The following TOR1B variants were observed in gnomAD, a reference collection of about 807,000 sequenced individuals.
TOR1B encodes torsin-1B.
Under a neutral mutation model 29.2 loss-of-function variants are expected in TOR1B, and 14 were observed. That is an observed-to-expected ratio of 0.48 (90% CI 0.32 to 0.75). TOR1B has a LOEUF of 0.75. Ranked by LOEUF, TOR1B falls within the 30% of genes least tolerant of loss-of-function variation. The pLI, the probability that TOR1B is intolerant of heterozygous loss-of-function variation, is 0.04. For missense variants in TOR1B, 400 were observed against 433.9 expected (o/e 0.92, Z 0.69); for synonymous variants, 166 against 179.8 (o/e 0.92, Z 0.62).
chr9:129,809,623 C>T lies in TOR1B; in HGVS notation c.*40C>T, dbSNP rs199892031. 1.6e-3 allele frequency: 2,578 copies of T among 1,611,262 alleles called. 2 individuals carry two copies. Among genetic ancestry groups the T allele is most frequent in the Non-Finnish European group, 2.0e-3 (2,333 of 1,178,002 alleles). On this transcript the variant is annotated 3_prime_UTR_variant, in exon 5 of 5. Transcript: ENST00000259339. Reference sequence around the variant, plus strand: ...GGGGTAGGAGACAGCTGGGAGGCTCCGCACGCCAGAGGCCTTGCCTTTCAG... The same window carrying T: ...GGGGTAGGAGACAGCTGGGAGGCTCTGCACGCCAGAGGCCTTGCCTTTCAG...
chr9:129,808,816 T>A, intron 3 of TOR1B, 89 bp from the exon 4 acceptor site: 1 of 1,540,172 alleles, frequency 6.5e-7, no homozygotes, highest in Non-Finnish European at 8.9e-7. Context: ...CCTCCCAAAG[T>A]GCTGGGATTA....
In TOR1B at chr9:129,804,227, C is replaced by T; in HGVS notation, c.354C>T (p.Val118=). The T allele has an allele frequency of 6.2e-7, 1 of 1,614,214 alleles. No homozygotes were observed. Among genetic ancestry groups the T allele is most frequent in the Non-Finnish European group, 8.5e-7 (1 of 1,180,034 alleles). The change falls in exon 2 of 5, where the codon GTC becomes GTT. Residue 118 remains valine, a synonymous_variant. Transcript: ENST00000259339. ...HGWAGTGKNF[V]SQIVAENLHP... Reference sequence around the variant, plus strand: ...GGGCTGGCACAGGCAAGAATTTTGTCAGTCAAATTGTGGCTGAAAATCTTC... The same window carrying T: ...GGGCTGGCACAGGCAAGAATTTTGTTAGTCAAATTGTGGCTGAAAATCTTC...
chr9:129,807,977 T>C, intron 3 of TOR1B, among the ~76,000 whole-genome samples: 1 of 151,850 alleles, frequency 6.6e-6, no homozygotes, highest in Non-Finnish European at 1.5e-5. Flanking sequence ...TTCAAGGTTT[T>C]ATTGAGCTAT....
At position 129,809,927 on chromosome 9, in the gene TOR1B, A is replaced by G; in HGVS notation, c.*344A>G. 2 of 1,199,774 alleles carry G rather than the reference A, an allele frequency of 1.7e-6. No homozygotes were observed. The highest frequency in any genetic ancestry group is 3.3e-5 in the South Asian group (2 of 59,884). 74.3% of individuals were successfully genotyped at this position (1,199,774 alleles called of 1,614,324 possible). A position where few individuals can be genotyped will look rare whatever the true frequency, so the allele number is the denominator to read the frequency against. ...CGTGAATCTATTGCGCGCATTTGTC[A>G]TTTAGCAAGATGGCAGCAGTCCAGC... On this transcript the variant is annotated 3_prime_UTR_variant, in exon 5 of 5. Transcript: ENST00000259339.
chr9:129,804,121 CG>C lies in TOR1B; in HGVS notation c.250del (p.Glu84LysfsTer2), dbSNP rs763162648. On this transcript the variant is annotated frameshift_variant, in exon 2 of 5. Coordinates refer to ENST00000259339, the MANE Select transcript of TOR1B (RefSeq NM_014506.3). LOFTEE classifies it high-confidence loss of function. The stretch of plus-strand genomic sequence containing the variant: ...AAGCTGTTTGGACAGCATCTAGCCA[CG>C]GAAGTGATTTTCAAGGCGCTGACTG... ...EEKLFGQHLATEVIFKALTGF... is the reference protein window; with the variant it reads ...EEKLFGQHLAXEVIFKALTGF... 1.9e-6 allele frequency: 3 copies of C among 1,614,176 alleles called. No homozygotes were observed. Among genetic ancestry groups the C allele is most frequent in the Non-Finnish European group, 2.5e-6 (3 of 1,180,036 alleles).
At chr9:129,808,798 TGCCTCG>T (rs947447896) in intron 3 of TOR1B, 101 bp from the exon 4 acceptor site, 440 of 1,408,836 alleles carry the variant, frequency 3.1e-4, no homozygotes, top group Non-Finnish European at 4.1e-4. Context: ...GTGATCTACC[TGCCTCG>T]GCCTCCCAAA....
rs2030786741 is a variant in TOR1B, at chr9:129,810,352, G to GGGA, written c.*771_*772insAGG. ...GAGCTGACCTGTGTGTGTGTGTGTG[G>GGGA]GGGGGTGGGGCCTTCACCTAAGACC... is the stretch of plus-strand genomic sequence containing the variant. On this transcript the variant is annotated 3_prime_UTR_variant, in exon 5 of 5. Transcript: ENST00000259339. 1 of 1,100,416 alleles carries GGGA rather than the reference G, an allele frequency of 9.1e-7. No homozygotes were observed. The highest frequency in any genetic ancestry group is 1.7e-5 in the African/African-American group (1 of 59,306). The allele number at this position is 1,100,416 out of a possible 1,614,324, so 68.2% of individuals were successfully genotyped here.
chr9:129,806,926 C>T (rs1222584201), intron 2 of TOR1B, among the ~76,000 whole-genome samples: 1 of 152,168 alleles, frequency 6.6e-6, no homozygotes, highest in African/African-American at 2.4e-5. Flanking sequence ...GATCTTGTAC[C>T]TCTTATACCT....
intron 1 of TOR1B, 110 bp from the exon 2 acceptor site, chr9:129,803,963 T>C: frequency 6.9e-7 from 1 of 1,444,884 alleles, no homozygotes; most frequent in African/African-American, 1.4e-5. Flanking sequence ...GACACCCTGC[T>C]GTGTCCCTGG....
At chr9:129,807,111 G>A in intron 2 of TOR1B, 77 bp from the exon 3 acceptor site, 1 of 1,450,782 alleles carries the variant, frequency 6.9e-7, no homozygotes. Flanking sequence ...AGTGCATGAG[G>A]AGCAGATGGA....
At position 129,804,350 on chromosome 9, in the gene TOR1B, C is replaced by G. The variant is rs776467901; in HGVS notation, c.465+12C>G. The stretch of plus-strand genomic sequence containing the variant: ...TAAAACTGTACCAGGCAAGAGAACC[C>G]GCTATTATCTCGTCTGCAGGCCAGT... On this transcript the variant is annotated intron_variant, in intron 2 of 4. Transcript: ENST00000259339. The G allele has an allele frequency of 1.2e-6, 2 of 1,607,196 alleles. No homozygotes were observed. Among genetic ancestry groups the G allele is most frequent in the Non-Finnish European group, 1.7e-6 (2 of 1,174,122 alleles).
chr9:129,809,223 G>A, intron 4 of TOR1B, 119 bp from the exon 5 acceptor site: 4 of 1,548,356 alleles, frequency 2.6e-6, no homozygotes, highest in Non-Finnish European at 3.5e-6. Flanking sequence ...TGGGCTTGTT[G>A]CACACTGACA....
chr9:129,809,346 C>T lies in TOR1B; in HGVS notation c.774C>T (p.Gly258=). 1.2e-6 allele frequency: 2 copies of T among 1,614,114 alleles called. No individual in the cohort carries two copies. The highest frequency in any genetic ancestry group is 2.2e-5 in the South Asian group (2 of 91,066). Reference sequence around the variant, plus strand: ...CAGCTGTGTCTTGTTCTGCAGGTGGCCTGTGGCACAGTGGACTGATCGACA... The same window carrying T: ...CAGCTGTGTCTTGTTCTGCAGGTGGTCTGTGGCACAGTGGACTGATCGACA... ...SVGVFNNKHS[G]LWHSGLIDKN... is the part of the protein sequence containing the mutation. The change falls in exon 5 of 5, where the codon GGC becomes GGT. Residue 258 remains glycine, a synonymous_variant. Transcript: ENST00000259339.
Position 129,804,249 on chromosome 9 carries a change from C to T in TOR1B, c.376C>T (p.Leu126Phe). The change falls in exon 2 of 5, where the codon CTT becomes TTT. Residue 126 changes from leucine to phenylalanine, a missense_variant. Transcript: ENST00000259339. ...TGTCAGTCAAATTGTGGCTGAAAAT[C>T]TTCACCCAAAAGGTCTGAAGAGTAA... is the stretch of plus-strand genomic sequence containing the variant. Reference protein sequence around the residue: ...NFVSQIVAENLHPKGLKSNFV... With the variant: ...NFVSQIVAENFHPKGLKSNFV... 6.2e-7 allele frequency: 1 copy of T among 1,614,236 alleles called. No individual in the cohort carries two copies. The highest frequency in any genetic ancestry group is 1.3e-5 in the African/African-American group (1 of 75,068).
Position 129,810,500 on chromosome 9 carries a change from A to G in TOR1B, c.*917A>G, listed in dbSNP as rs1298540914. On this transcript the variant is annotated 3_prime_UTR_variant, in exon 5 of 5. Coordinates refer to ENST00000259339, the MANE Select transcript of TOR1B (RefSeq NM_014506.3). ...TATCAGCCCCAGCCTGCCTTGTGCCATATCTCAGCTTGGATCTCTGCTAGA... is the reference window on the plus strand; with the variant it reads ...TATCAGCCCCAGCCTGCCTTGTGCCGTATCTCAGCTTGGATCTCTGCTAGA... 3 of 1,066,076 alleles carry G rather than the reference A, an allele frequency of 2.8e-6. No individual in the cohort carries two copies. The highest frequency in any genetic ancestry group is 1.7e-5 in the African/African-American group (1 of 60,360). 66.0% of individuals were successfully genotyped at this position (1,066,076 alleles called of 1,614,324 possible). A position where few individuals can be genotyped will look rare whatever the true frequency, so the allele number is the denominator to read the frequency against.
chr9:129,809,191 G>A (rs754591298), intron 4 of TOR1B, 151 bp from the exon 5 acceptor site: 4 of 1,511,128 alleles, frequency 2.6e-6, no homozygotes, highest in Non-Finnish European at 3.5e-6. Flanking sequence ...ACCAGTGAGT[G>A]AGTGTCCAGC....
At position 129,807,485 on chromosome 9, in the gene TOR1B, C is replaced by T. The variant is rs1473844921; in HGVS notation, c.641+122C>T. The stretch of plus-strand genomic sequence containing the variant: ...GAAAGTGCCTGCTTGGCACAAGGCA[C>T]TTACCTACTGCTTTACTTTTCCTTT... On this transcript the variant is annotated intron_variant, in intron 3 of 4. Transcript: ENST00000259339. 33 of 1,134,188 alleles carry T rather than the reference C, an allele frequency of 2.9e-5. 1 individual carries two copies. The Middle Eastern group carries it at 8.8e-4, about 30-fold the overall frequency. The allele number at this position is 1,134,188 out of a possible 1,614,324, so 70.3% of individuals were successfully genotyped here.
Position 129,809,534 on chromosome 9 carries a change from A to G in TOR1B, c.962A>G (p.Tyr321Cys), listed in dbSNP as rs1191095367. 1 of 1,614,106 alleles carries G rather than the reference A, an allele frequency of 6.2e-7. No individual in the cohort carries two copies. Among genetic ancestry groups the G allele is most frequent in the East Asian group, 2.2e-5 (1 of 44,876 alleles). The change falls in exon 5 of 5, where the codon TAC (tyrosine) becomes TGC (cysteine). Residue 321 changes from tyrosine to cysteine, a missense_variant. Tyr to Cys is a radical substitution (Grantham distance 194). Coordinates refer to ENST00000259339, the MANE Select transcript of TOR1B (RefSeq NM_014506.3). ...TTTTTCCCCAGAGACGAGAAAATCT[A>G]CTCAGACAAGGGCTGCAAGACTGTG... is the stretch of plus-strand genomic sequence containing the variant. ...MTFFPRDEKIYSDKGCKTVQS... is the reference protein window; with the variant it reads ...MTFFPRDEKICSDKGCKTVQS...
intron 2 of TOR1B, 33 bp from the exon 3 acceptor site, chr9:129,807,155 C>A: frequency 1.2e-6 from 2 of 1,607,542 alleles, no homozygotes; most frequent in African/African-American, 1.3e-5. Context: ...CTTTGAGCTT[C>A]GCATCCTGTT....
Sources: gnomAD v4.1 joint callset for allele counts (sites outside exome capture counted in the v4.1 genomes callset) on GRCh38, gnomAD v4.1.1 for gene constraint, MANE v1.5 for transcripts, NCBI Gene and HGNC (gene_info 2026-07-23, HGNC 2026-07-21) for gene names.